Variants in ZNF106 observed in about 807,000 individuals in gnomAD.
ZNF106 encodes the protein SH3-domain binding protein 3.
ZNF106 carries 67 observed loss-of-function variants against 195.1 expected under a neutral mutation model. The ratio of observed to expected loss-of-function variants is 0.34; its 90% CI spans 0.28 to 0.42. The LOEUF is 0.42. ZNF106 is among the 10% of genes least tolerant of loss of function. ZNF106 has a pLI of 1.00. For missense variants in ZNF106, 2,118 were observed against 2,304.5 expected, an observed-to-expected ratio of 0.92 and a Z score of 1.66; for synonymous variants, 784 against 818.6, an observed-to-expected ratio of 0.96 and a Z score of 0.72.
chr15:42,422,738 A>C, intron 17 of ZNF106, 118 bp from the exon 18 acceptor site: 1 of 994,564 alleles, frequency 1.0e-6, no homozygotes, highest in Non-Finnish European at 1.4e-6. Context: ...AATTAATACA[A>C]TTAATTGTAT....
intron 1 of ZNF106, among the ~76,000 whole-genome samples, chr15:42,481,357 G>GTTTTTTTTTTTTTTTT (rs751618549): frequency 1.8e-5 from 2 of 109,166 alleles, no homozygotes; most frequent in Non-Finnish European, 3.8e-5. Context: ...TTTTTTTGTT[G>GTTTTTTTTTTTTTTTT]TTTTTTTTTT....
At chr15:42,482,953 C>G (rs1220888063) in intron 1 of ZNF106, among the ~76,000 whole-genome samples, 1 of 152,178 alleles carries the variant, frequency 6.6e-6, no homozygotes, top group Admixed American at 6.5e-5. Context: ...TCCTCTCTCT[C>G]TGCTTTCCAG....
At position 42,481,363 on chromosome 15, in the gene ZNF106, T is replaced by TTTG. The variant is rs1555431970; in HGVS notation, c.-32-9043_-32-9042insCAA. 4.1e-4 allele frequency among the ~76,000 whole-genome samples: 58 copies of TTTG among 142,840 alleles called. No individual in the cohort carries two copies. In the South Asian group the frequency reaches 4.2e-3, roughly 10 times the overall value. 93.7% of individuals were successfully genotyped at this position (142,840 alleles called of 152,430 possible). Reference sequence around the variant, plus strand: ...TTCTGTTTTTTTTTTTGTTGTTTTTTTTTTTTTTTTTTGAGACAGAGTCTT... The same window carrying TTTG: ...TTCTGTTTTTTTTTTTGTTGTTTTTTTTGTTTTTTTTTTTTGAGACAGAGTCTT... On this transcript the variant is annotated intron_variant, in intron 1 of 21. Coordinates refer to ENST00000564754, the MANE Select transcript of ZNF106 (RefSeq NM_001366845.3).
chr15:42,425,139 C>T (rs747118024), intron 15 of ZNF106, 114 bp from the exon 16 acceptor site: 69 of 1,003,778 alleles, frequency 6.9e-5, no homozygotes, highest in Non-Finnish European at 9.6e-5. Flanking sequence ...AATTTTCATA[C>T]CCACTCTGCA....
chr15:42,468,816 C>T (rs551553170), intron 2 of ZNF106, among the ~76,000 whole-genome samples: 7 of 152,138 alleles, frequency 4.6e-5, no homozygotes, highest in Non-Finnish European at 7.4e-5. Flanking sequence ...ACTGACTGGC[C>T]GCTAACTAAA....
At chr15:42,464,081 C>T (rs2056456381) in intron 3 of ZNF106, among the ~76,000 whole-genome samples, 1 of 148,088 alleles carries the variant, frequency 6.8e-6, no homozygotes, top group Admixed American at 6.6e-5. Context: ...GTGGCTCACG[C>T]CTGTAATCCC....
In ZNF106 at chr15:42,479,806, C is replaced by A. The variant is rs532707314; in HGVS notation, c.-32-7485G>T. 2.8e-4 allele frequency among the ~76,000 whole-genome samples: 42 copies of A among 152,266 alleles called. No homozygotes were observed. The South Asian group carries it at 4.6e-3, about 17-fold the overall frequency. On this transcript the variant is annotated intron_variant, in intron 1 of 21. Coordinates refer to ENST00000564754, the MANE Select transcript of ZNF106 (RefSeq NM_001366845.3). ...GCAGTGAGCTGAGATAGCGCCACTT[C>A]ATTCCAGCCTCAGCAAAAGGGCAAA... is the stretch of plus-strand genomic sequence containing the variant.
In ZNF106 at chr15:42,451,079, A is replaced by G. The variant is rs978868646; in HGVS notation, c.1193T>C (p.Ile398Thr). 4 of 1,614,202 alleles carry G rather than the reference A, an allele frequency of 2.5e-6. No individual in the cohort carries two copies. The highest frequency in any genetic ancestry group is 2.5e-6 in the Non-Finnish European group (3 of 1,180,036). Residue 398 changes from isoleucine to threonine, a missense_variant, in exon 5 of 22, where the codon ATA (isoleucine) becomes ACA (threonine). Physicochemically the swap from Ile to Thr is moderately conservative, Grantham distance 89. Transcript: ENST00000564754. ...GCTAAAATCAAAGAGAGGTTTCTCT[A>G]TCATTTCTGACTTGTTACCAGTGAT... ...KDITGNKSEM[I>T]EKPLFDFSLI...
At chr15:42,431,389 C>CTTTTTTTTTTTTTTTT (rs552325544) in intron 14 of ZNF106, among the ~76,000 whole-genome samples, 3 of 121,092 alleles carry the variant, frequency 2.5e-5, no homozygotes, top group Non-Finnish European at 3.6e-5. Context: ...TTATACGGTT[C>CTTTTTTTTTTTTTTTT]TTTTTTTTTT....
chr15:42,450,608 T>C lies in ZNF106; in HGVS notation c.1664A>G (p.Asn555Ser). 6.2e-7 allele frequency: 1 copy of C among 1,614,220 alleles called. No homozygotes were observed. ...GSQKQSGDNL[N>S]DTLRKAKEVL... ...CTCTTTGGCCTTTCGTAAAGTATCA[T>C]TTAAATTATCACCAGATTGCTTTTG... Residue 555 changes from asparagine (N) to serine (S), a missense_variant, in exon 5 of 22, where the codon AAT becomes AGT. Coordinates refer to ENST00000564754, the MANE Select transcript of ZNF106 (RefSeq NM_001366845.3).
chr15:42,481,324 T>G (rs2056893248), intron 1 of ZNF106, among the ~76,000 whole-genome samples: 1 of 151,682 alleles, frequency 6.6e-6, no homozygotes, highest in Non-Finnish European at 1.5e-5. Flanking sequence ...GACAATGTCT[T>G]TATTTCATAT....
intron 8 of ZNF106, 71 bp downstream of exon 8, chr15:42,444,756 C>G: frequency 1.3e-6 from 2 of 1,580,528 alleles, no homozygotes. Context: ...TGACTCCAGA[C>G]ATGGGTTTGG....
rs544193117 is a variant in ZNF106 at position 42,430,525 on chromosome 15, G to A, written c.4882-2391C>T. On this transcript the variant is annotated intron_variant, in intron 14 of 21. Transcript: ENST00000564754. The stretch of plus-strand genomic sequence containing the variant: ...CTCCCGAGTAGCTGGAACTACAGGC[G>A]TGGGCCATCGCGCATGCCTAGTTAA... Among the ~76,000 whole-genome samples, 18 of 151,718 alleles carry A rather than the reference G, an allele frequency of 1.2e-4. 1 individual carries two copies. In the South Asian group the frequency reaches 2.9e-3, roughly 25 times the overall value.
intron 14 of ZNF106, among the ~76,000 whole-genome samples, chr15:42,431,389 CTTTTTTT>C (rs552325544): frequency 8.3e-6 from 1 of 121,092 alleles, no homozygotes; most frequent in African/African-American, 3.0e-5. Context: ...TTATACGGTT[CTTTTTTT>C]TTTTTTTTTT....
rs1330212442 is a variant in ZNF106 at position 42,441,544 on chromosome 15, C to CG, written c.3763+528dup. On this transcript the variant is annotated intron_variant, in intron 10 of 21. Coordinates refer to ENST00000564754, the MANE Select transcript of ZNF106 (RefSeq NM_001366845.3). ...CTAACAGGATTTTACATAGCTTAGACGTATTCTCAAATGATAACCAGGTAA... is the reference window on the plus strand; with the variant it reads ...CTAACAGGATTTTACATAGCTTAGACGGTATTCTCAAATGATAACCAGGTAA... Among the ~76,000 whole-genome samples, 3 of 152,106 alleles carry CG rather than the reference C, an allele frequency of 2.0e-5. No individual in the cohort carries two copies. The East Asian group carries it at 5.8e-4, about 29-fold the overall frequency.
intron 3 of ZNF106, among the ~76,000 whole-genome samples, chr15:42,462,821 C>T (rs908376386): frequency 3.3e-5 from 5 of 152,108 alleles, no homozygotes; most frequent in Non-Finnish European, 7.4e-5. Flanking sequence ...GGTCTCACTG[C>T]CACCCAGGCT....
At position 42,415,867 on chromosome 15, in the gene ZNF106, A is replaced by G. The variant is rs2054440089; in HGVS notation, c.*1437T>C. The G allele has an allele frequency of 6.5e-6, 1 of 153,306 alleles. No homozygotes were observed. Among genetic ancestry groups the G allele is most frequent in the South Asian group, 2.0e-4 (1 of 5,032 alleles). The allele number at this position is 153,306 out of a possible 1,614,324, so 9.5% of individuals were successfully genotyped here. ...ATTCTCCTGCCTCAGCCTCCTGAGCAGCTGGGATTACAGGCGCCCACCACG... is the reference window on the plus strand; with the variant it reads ...ATTCTCCTGCCTCAGCCTCCTGAGCGGCTGGGATTACAGGCGCCCACCACG... On this transcript the variant is annotated 3_prime_UTR_variant, in exon 22 of 22. Coordinates refer to ENST00000564754, the MANE Select transcript of ZNF106 (RefSeq NM_001366845.3).
chr15:42,469,144 C>T (rs1376776782), intron 2 of ZNF106, among the ~76,000 whole-genome samples: 1 of 152,004 alleles, frequency 6.6e-6, no homozygotes, highest in African/African-American at 2.4e-5. Flanking sequence ...GAGGTCACAC[C>T]ATTGCACTCC....
chr15:42,448,226 T>A lies in ZNF106; in HGVS notation c.2981A>T (p.Gln994Leu). Residue 994 changes from glutamine to leucine, a missense_variant, in exon 6 of 22, where the codon CAG becomes CTG. Transcript: ENST00000564754. ...SIPPSENQNS[Q>L]ESNGEGNCLS... ...ACAGTTTCCCTCTCCATTACTCTCC[T>A]GGGAATTCTGATTCTCTGACGGTGG... The A allele has an allele frequency of 6.2e-7, 1 of 1,614,196 alleles. No individual in the cohort carries two copies. Among genetic ancestry groups the A allele is most frequent in the Non-Finnish European group, 8.5e-7 (1 of 1,180,028 alleles).
Sources: allele counts gnomAD v4.1 joint callset (sites outside exome capture counted in the v4.1 genomes callset), GRCh38; gene constraint gnomAD v4.1.1; transcripts MANE v1.5; gene names NCBI Gene and HGNC (gene_info 2026-07-23, HGNC 2026-07-21).